BMPR1B: variants seen among roughly 807,000 people sequenced by gnomAD.
BMPR1B encodes bone morphogenetic protein receptor type-1B.
In BMPR1B, 12 loss-of-function variants were observed where a neutral mutation model predicts 59.1. The ratio of observed to expected loss-of-function variants is 0.20; its 90% CI spans 0.13 to 0.33. The LOEUF (loss-of-function observed/expected upper bound fraction) is 0.33, where lower values mean the gene tolerates loss of function less well. Among genes scored for constraint, BMPR1B ranks in the 10% least tolerant of loss-of-function variants. The pLI, the probability that BMPR1B is intolerant of heterozygous loss-of-function variation, is 1.00. For synonymous variants in BMPR1B, 237 were observed against 207.3 expected (o/e 1.14, Z -1.23); for missense variants, 550 against 610.9 (o/e 0.90, Z 1.05).
chr4:95,119,692 G>T (rs570545123), intron 6 of BMPR1B, among the ~76,000 whole-genome samples: 1 of 152,168 alleles, frequency 6.6e-6, no homozygotes, highest in East Asian at 1.9e-4. Flanking sequence ...TGCTTTAGTA[G>T]CCTCTCATTT....
At chr4:94,838,274 A>G (rs1724902896) in intron 1 of BMPR1B, among the ~76,000 whole-genome samples, 1 of 63,670 alleles carries the variant, frequency 1.6e-5, no homozygotes, top group Non-Finnish European at 2.9e-5. Flanking sequence ...CTGGACTCAT[A>G]AAATGAGTTA....
At chr4:95,044,288 T>TAA (rs893032811) in intron 3 of BMPR1B, among the ~76,000 whole-genome samples, 4 of 152,196 alleles carry the variant, frequency 2.6e-5, no homozygotes, top group Non-Finnish European at 5.9e-5. Context: ...GCTTTAAACT[T>TAA]TATTAAGTCT....
intron 10 of BMPR1B, among the ~76,000 whole-genome samples, chr4:95,131,803 T>A (rs1306073553): frequency 6.6e-6 from 1 of 152,210 alleles, no homozygotes; most frequent in Non-Finnish European, 1.5e-5. Context: ...GTCAGAATTC[T>A]GCATAACATT....
intron 3 of BMPR1B, among the ~76,000 whole-genome samples, chr4:95,038,242 G>A (rs1019385721): frequency 1.3e-5 from 2 of 152,126 alleles, no homozygotes; most frequent in African/African-American, 4.8e-5. Context: ...ACAGGATGAA[G>A]AAGGGGGAGA....
intron 8 of BMPR1B, 54 bp downstream of exon 8, chr4:95,125,175 C>A (rs888177518): frequency 1.2e-6 from 2 of 1,602,786 alleles, no homozygotes; most frequent in African/African-American, 2.7e-5. Flanking sequence ...AAAGAACTGT[C>A]AATGAATATG....
intron 3 of BMPR1B, among the ~76,000 whole-genome samples, chr4:95,011,578 A>G (rs555161129): frequency 6.6e-6 from 1 of 152,178 alleles, no homozygotes; most frequent in Non-Finnish European, 1.5e-5. Context: ...TATACCTCCT[A>G]GGCAAGTACC....
intron 1 of BMPR1B, among the ~76,000 whole-genome samples, chr4:94,785,228 C>T (rs1722721001): frequency 6.6e-6 from 1 of 152,188 alleles, no homozygotes; most frequent in Admixed American, 6.5e-5. Flanking sequence ...ACTCTTCCTT[C>T]CCTGTGCTCA....
chr4:94,819,158 T>C (rs568085996), intron 1 of BMPR1B, among the ~76,000 whole-genome samples: 2 of 151,814 alleles, frequency 1.3e-5, no homozygotes, highest in South Asian at 4.1e-4. Context: ...TTTTTTTTTC[T>C]CTTATAGGCT....
At chr4:95,020,382 A>G (rs539895775) in intron 3 of BMPR1B, among the ~76,000 whole-genome samples, 16 of 152,132 alleles carry the variant, frequency 1.1e-4, no homozygotes, top group Non-Finnish European at 2.4e-4. Context: ...GATCGAGACT[A>G]TCCTGGCCAA....
chr4:94,841,517 C>A (rs1383856300), intron 1 of BMPR1B, among the ~76,000 whole-genome samples: 1 of 152,118 alleles, frequency 6.6e-6, no homozygotes, highest in Admixed American at 6.5e-5. Context: ...TGGGAGTGAC[C>A]CGATTTTCCA....
intron 2 of BMPR1B, among the ~76,000 whole-genome samples, chr4:94,979,749 A>G (rs1027825211): frequency 6.6e-6 from 1 of 152,210 alleles, no homozygotes; most frequent in African/African-American, 2.4e-5. Flanking sequence ...ATTTAAGGCG[A>G]CGAATGTGCA....
At chr4:94,890,312 C>A (rs1449833209) in intron 2 of BMPR1B, among the ~76,000 whole-genome samples, 1 of 151,918 alleles carries the variant, frequency 6.6e-6, no homozygotes, top group African/African-American at 2.4e-5. Flanking sequence ...GAGGTAACCC[C>A]CTCTCCCCCA....
At chr4:94,801,424 C>T (rs575962695) in intron 1 of BMPR1B, among the ~76,000 whole-genome samples, 1 of 152,162 alleles carries the variant, frequency 6.6e-6, no homozygotes, top group Non-Finnish European at 1.5e-5. Context: ...TTAGAGCCGA[C>T]AACCAAAGAG....
intron 1 of BMPR1B, among the ~76,000 whole-genome samples, chr4:94,835,565 C>G (rs1444494488): frequency 1.3e-5 from 2 of 152,134 alleles, no homozygotes; most frequent in Non-Finnish European, 2.9e-5. Flanking sequence ...ACTGCAGTGA[C>G]AGTCTCTTTG....
intron 4 of BMPR1B, among the ~76,000 whole-genome samples, chr4:95,110,549 C>T (rs1731554468): frequency 2.0e-5 from 3 of 152,074 alleles, no homozygotes; most frequent in Admixed American, 6.6e-5. Flanking sequence ...CGCTATATTC[C>T]GTCCACTGCT....
intron 1 of BMPR1B, among the ~76,000 whole-genome samples, chr4:94,799,044 T>C (rs1233124082): frequency 6.6e-6 from 1 of 151,504 alleles, no homozygotes; most frequent in African/African-American, 2.4e-5. Context: ...TGTGTGTTTC[T>C]TGGATAACCC....
At chr4:94,785,441 G>T (rs1216207401) in intron 1 of BMPR1B, among the ~76,000 whole-genome samples, 5 of 152,192 alleles carry the variant, frequency 3.3e-5, no homozygotes, top group Non-Finnish European at 5.9e-5. Flanking sequence ...GCATCACAAT[G>T]ACCACAGCTT....
chr4:94,837,543 G>T (rs1724873782), intron 1 of BMPR1B, among the ~76,000 whole-genome samples: 1 of 145,204 alleles, frequency 6.9e-6, no homozygotes, highest in East Asian at 1.9e-4. Context: ...GTTCTCTCAT[G>T]ATTTGGCTCT....
At chr4:94,870,691 T>C (rs1372971964) in intron 1 of BMPR1B, among the ~76,000 whole-genome samples, 2 of 152,212 alleles carry the variant, frequency 1.3e-5, no homozygotes, top group African/African-American at 4.8e-5. Context: ...TTACATTCTC[T>C]GTGGGTTTGG....
Sources: gnomAD v4.1 joint callset for allele counts (sites outside exome capture counted in the v4.1 genomes callset) on GRCh38, gnomAD v4.1.1 for gene constraint, MANE v1.5 for transcripts, NCBI Gene and HGNC (gene_info 2026-07-23, HGNC 2026-07-21) for gene names.